ZNF680: variants seen among roughly 807,000 people sequenced by gnomAD.
ZNF680 encodes the protein zinc finger protein 680.
Under a neutral mutation model 12.1 loss-of-function variants are expected in ZNF680, and 6 were observed. That is an observed-to-expected ratio of 0.49 (90% CI 0.27 to 0.98). The LOEUF (loss-of-function observed/expected upper bound fraction) is 0.98, where lower values mean the gene tolerates loss of function less well. Ranked by LOEUF, ZNF680 falls within the 50% of genes least tolerant of loss-of-function variation. The pLI, the probability that ZNF680 is intolerant of heterozygous loss-of-function variation, is 0.12. For missense variants in ZNF680, 561 were observed against 616.3 expected, an observed-to-expected ratio of 0.91 and a Z score of 0.95; for synonymous variants, 170 against 199.3, an observed-to-expected ratio of 0.85 and a Z score of 1.24.
chr7:64,502,004 T>G, the ZNF680 span, among the ~76,000 whole-genome samples: 11 of 103,290 alleles, frequency 1.1e-4, no homozygotes, highest in Non-Finnish European at 1.8e-4. Context: ...TTTCTTTTTT[T>G]TTTTTTTTTT....
the ZNF680 span, among the ~76,000 whole-genome samples, chr7:64,512,457 CAA>C: frequency 2.0e-3 from 171 of 87,210 alleles, no homozygotes; most frequent in East Asian, 6.6e-3. Context: ...CCGTCTCCAG[CAA>C]AAAAAAAAAA....
rs1286582199 is a variant in ZNF680, at chr7:64,534,681, A to G, written c.253+9026T>C. Among the ~76,000 whole-genome samples the G allele has an allele frequency of 2.6e-5, 4 of 152,344 alleles. No individual in the cohort carries two copies. The East Asian group carries it at 7.7e-4, about 29-fold the overall frequency. On this transcript the variant is annotated intron_variant, in intron 3 of 3. Coordinates refer to ENST00000309683, the MANE Select transcript of ZNF680 (RefSeq NM_178558.5). ...ATTGGGTATCTACCCACAGGAAAAG[A>G]AGTTACTATCTGAAAAAGATACTTG...
intron 1 of ZNF680, among the ~76,000 whole-genome samples, chr7:64,556,260 A>G (rs915225266): frequency 3.5e-4 from 29 of 81,962 alleles, no homozygotes; most frequent in African/African-American, 2.8e-3. Context: ...TCACGGAACT[A>G]AAAAAAAAAA....
chr7:64,510,023 T>TAAAAAAAAAAAAAAAAA, the ZNF680 span, among the ~76,000 whole-genome samples: 2 of 105,904 alleles, frequency 1.9e-5, no homozygotes, highest in African/African-American at 3.8e-5. Context: ...CGTAAAACTC[T>TAAAAAAAAAAAAAAAAA]AAAAAAAAAA....
chr7:64,548,426 T>A (rs1240551388), intron 1 of ZNF680, among the ~76,000 whole-genome samples: 1 of 152,228 alleles, frequency 6.6e-6, no homozygotes, highest in Non-Finnish European at 1.5e-5. Context: ...CAACCATTTA[T>A]CCAGTTACTA....
intron 1 of ZNF680, among the ~76,000 whole-genome samples, chr7:64,549,789 T>C (rs1317114105): frequency 6.6e-6 from 1 of 152,150 alleles, no homozygotes; most frequent in African/African-American, 2.4e-5. Context: ...GAGACCAGCC[T>C]GGCCAACATA....
chr7:64,503,935 T>C, the ZNF680 span, among the ~76,000 whole-genome samples: 1 of 152,184 alleles, frequency 6.6e-6, no homozygotes, highest in Admixed American at 6.6e-5. Context: ...AAATCTTCTT[T>C]AAAAAGCTAA....
In ZNF680 at chr7:64,521,338, G is replaced by A. The variant is rs1791517078; in HGVS notation, c.1416C>T (p.Asn472=). 3 of 1,612,926 alleles carry A rather than the reference G, an allele frequency of 1.9e-6. No individual in the cohort carries two copies. The highest frequency in any genetic ancestry group is 2.5e-6 in the Non-Finnish European group (3 of 1,179,510). ...TATGATTAGCAAGAGTTGCAGGCCA[G>A]TTAAAAACATTGCCACATTCATCAC... is the stretch of plus-strand genomic sequence containing the variant. The part of the protein sequence containing the change: ...YKCDECGNVF[N]WPATLANHKR... Residue 472 remains asparagine, a synonymous_variant, in exon 4 of 4, where the codon AAC becomes AAT. Transcript: ENST00000309683.
intron 1 of ZNF680, among the ~76,000 whole-genome samples, chr7:64,556,418 T>C (rs1454923523): frequency 6.6e-6 from 1 of 152,064 alleles, no homozygotes; most frequent in African/African-American, 2.4e-5. Flanking sequence ...AGCAGCATGA[T>C]ACTGGTACAA....
At chr7:64,518,252 C>T (rs996362703), downstream of ZNF680, among the ~76,000 whole-genome samples, 2 of 151,968 alleles carry the variant, frequency 1.3e-5, no homozygotes, top group Admixed American at 1.3e-4. Flanking sequence ...TTTATGTACA[C>T]AAATCAGTCA....
the ZNF680 span, among the ~76,000 whole-genome samples, chr7:64,508,542 C>T: frequency 6.6e-6 from 1 of 152,026 alleles, no homozygotes; most frequent in Non-Finnish European, 1.5e-5. Context: ...AAAAATGAAA[C>T]AGACGGGAAT....
intron 1 of ZNF680, among the ~76,000 whole-genome samples, chr7:64,555,334 TAATTC>T (rs754848942): frequency 1.6e-4 from 19 of 122,238 alleles, no homozygotes; most frequent in Non-Finnish European, 2.6e-4. Flanking sequence ...GATAAAAATA[TAATTC>T]AATACCAAAA....
chr7:64,537,894 C>A (rs1364492129), intron 3 of ZNF680, among the ~76,000 whole-genome samples: 1 of 151,812 alleles, frequency 6.6e-6, no homozygotes. Flanking sequence ...AGCACCACTG[C>A]ACTCCAGACT....
At chr7:64,524,777 C>T (rs1476979280) in intron 3 of ZNF680, 1 of 150,070 alleles carries the variant, frequency 6.7e-6, no homozygotes, top group African/African-American at 2.5e-5. Flanking sequence ...CCTGGTAAAC[C>T]AAAAAAGAAG....
chr7:64,500,943 G>T, the ZNF680 span: 1 of 642,928 alleles, frequency 1.6e-6, no homozygotes, highest in Admixed American at 1.9e-5. Context: ...TTTTCGATGT[G>T]CAGCAAAATT....
At chr7:64,558,874 G>T (rs1397329691) in intron 1 of ZNF680, among the ~76,000 whole-genome samples, 1 of 151,060 alleles carries the variant, frequency 6.6e-6, no homozygotes, top group Non-Finnish European at 1.5e-5. Context: ...TAGGATCTGT[G>T]TCCTGTGTTT....
At chr7:64,546,112 G>T (rs920302765) in intron 1 of ZNF680, among the ~76,000 whole-genome samples, 1 of 152,192 alleles carries the variant, frequency 6.6e-6, no homozygotes, top group African/African-American at 2.4e-5. Context: ...GGGAGGAAAA[G>T]ATTGAGTAGA....
rs1022435223 is a variant in ZNF680, at chr7:64,521,213, C to A, written c.1541G>T (p.Gly514Val). 1.4e-5 allele frequency: 23 copies of A among 1,613,086 alleles called. No homozygotes were observed. Among genetic ancestry groups the A allele is most frequent in the Non-Finnish European group, 1.9e-5 (22 of 1,179,454 alleles). The change falls in exon 4 of 4, where the codon GGT (glycine) becomes GTT (valine). Residue 514 changes from glycine (G) to valine (V), a missense_variant. Physicochemically the swap from Gly to Val is moderately radical, Grantham distance 109 (BLOSUM62 -3). Transcript: ENST00000309683. ...TTTTTCAGGTTTGTAGAGTTTCTCACCAGTATGAATTTTCTTATGTCTAGT... is the reference window on the plus strand; with the variant it reads ...TTTTTCAGGTTTGTAGAGTTTCTCAACAGTATGAATTTTCTTATGTCTAGT... ...HLTRHKKIHT[G>V]EKLYKPEKCD...
At chr7:64,514,836 G>C in the ZNF680 span, among the ~76,000 whole-genome samples, 4 of 152,202 alleles carry the variant, frequency 2.6e-5, no homozygotes, top group Non-Finnish European at 5.9e-5. Flanking sequence ...CTGAGGTCGG[G>C]AATTCAAGAC....
Sources: gnomAD v4.1 joint callset for allele counts (sites outside exome capture counted in the v4.1 genomes callset) on GRCh38, gnomAD v4.1.1 for gene constraint, MANE v1.5 for transcripts, NCBI Gene and HGNC (gene_info 2026-07-23, HGNC 2026-07-21) for gene names.